Variants in CRACDL observed in about 807,000 individuals in gnomAD.
CRACDL encodes the protein CRACD-like protein.
In CRACDL, 26 loss-of-function variants were observed where a neutral mutation model predicts 70.6. That is an observed-to-expected ratio of 0.37 (90% CI 0.27 to 0.51). The LOEUF (loss-of-function observed/expected upper bound fraction) is 0.51. CRACDL is among the 20% of genes least tolerant of loss of function. The pLI, the probability that CRACDL is intolerant of heterozygous loss-of-function variation, is 0.94. For synonymous variants in CRACDL, 618 were observed against 615.2 expected (o/e 1.00, Z -0.07); for missense variants, 1,283 against 1,376.9 (o/e 0.93, Z 1.08).
chr2:98,934,603 C>T (rs1399934038), intron 1 of CRACDL, among the ~76,000 whole-genome samples: 5 of 152,112 alleles, frequency 3.3e-5, no homozygotes, highest in Admixed American at 6.5e-5. Flanking sequence ...AGCTGAGCTG[C>T]GCAGCATCCA....
chr2:98,858,823 A>G (rs1706817594), intron 1 of CRACDL, among the ~76,000 whole-genome samples: 1 of 152,170 alleles, frequency 6.6e-6, no homozygotes, highest in Non-Finnish European at 1.5e-5. Context: ...AACCTTACAG[A>G]AATAAAAAGC....
chr2:98,869,438 C>T, intron 1 of CRACDL: 1 of 374,714 alleles, frequency 2.7e-6, no homozygotes, highest in Non-Finnish European at 4.6e-6. Flanking sequence ...GGTGGCCTGG[C>T]TCTGTAGGGA....
chr2:98,864,144 A>G (rs116365184), intron 1 of CRACDL, among the ~76,000 whole-genome samples: 2,353 of 152,328 alleles, frequency 0.015, 70 homozygotes, highest in African/African-American at 0.053. Context: ...ATAATCAAAA[A>G]GTAGAAATAA....
At chr2:98,846,876 G>A in intron 1 of CRACDL, 66 bp from the exon 2 acceptor site, 1 of 1,340,106 alleles carries the variant, frequency 7.5e-7, no homozygotes, top group East Asian at 2.3e-5. Context: ...GAGTGAAATG[G>A]TGTTCGTGAC....
At chr2:98,876,892 T>C (rs1707500631) in intron 1 of CRACDL, among the ~76,000 whole-genome samples, 1 of 152,174 alleles carries the variant, frequency 6.6e-6, no homozygotes, top group South Asian at 2.1e-4. Flanking sequence ...CAGACTTAAA[T>C]AAATGCATTG....
chr2:98,875,085 A>T (rs1339425363), intron 1 of CRACDL, among the ~76,000 whole-genome samples: 2 of 152,182 alleles, frequency 1.3e-5, no homozygotes, highest in African/African-American at 4.8e-5. Flanking sequence ...ATGAGATCAA[A>T]CCACATTCGC....
At chr2:98,837,466 AG>A (rs1559225789) in intron 3 of CRACDL, among the ~76,000 whole-genome samples, 1 of 152,032 alleles carries the variant, frequency 6.6e-6, no homozygotes, top group Non-Finnish European at 1.5e-5. Flanking sequence ...AAAAAAAAAA[AG>A]GTAAAAGCTA....
chr2:98,892,442 G>C (rs980355745), intron 1 of CRACDL, among the ~76,000 whole-genome samples: 2 of 151,898 alleles, frequency 1.3e-5, no homozygotes, highest in African/African-American at 2.4e-5. Context: ...TGTAATCCCA[G>C]CACTTTAGGA....
chr2:98,878,233 C>T (rs1356576799), intron 1 of CRACDL, among the ~76,000 whole-genome samples: 1 of 152,218 alleles, frequency 6.6e-6, no homozygotes. Context: ...AGGCATGAGC[C>T]ACCGCACCCG....
At chr2:98,931,123 G>T (rs188101671) in intron 1 of CRACDL, among the ~76,000 whole-genome samples, 1 of 152,054 alleles carries the variant, frequency 6.6e-6, no homozygotes, top group Admixed American at 6.5e-5. Context: ...TCAGGAGATC[G>T]AGACCAGCCT....
intron 1 of CRACDL, among the ~76,000 whole-genome samples, chr2:98,930,022 T>C (rs1294716148): frequency 6.6e-6 from 1 of 152,038 alleles, no homozygotes; most frequent in Non-Finnish European, 1.5e-5. Flanking sequence ...TCCCTCAAAA[T>C]TCGCTTCCCC....
chr2:98,849,311 A>T (rs2104542973), intron 1 of CRACDL, among the ~76,000 whole-genome samples: 1 of 152,288 alleles, frequency 6.6e-6, no homozygotes, highest in Non-Finnish European at 1.5e-5. Context: ...CTCTGGAGAA[A>T]CCATGATGTT....
At chr2:98,924,581 TGAA>T (rs1340618830) in intron 1 of CRACDL, among the ~76,000 whole-genome samples, 3 of 152,186 alleles carry the variant, frequency 2.0e-5, no homozygotes, top group Non-Finnish European at 4.4e-5. Flanking sequence ...CTTCAGAAGG[TGAA>T]GAAGGACTTA....
intron 1 of CRACDL, among the ~76,000 whole-genome samples, chr2:98,921,532 G>A (rs532916198): frequency 2.7e-4 from 41 of 152,358 alleles, no homozygotes; most frequent in African/African-American, 9.4e-4. Context: ...AGTCAAAAAT[G>A]TAAGTCTCAT....
At chr2:98,865,470 A>G (rs1707097585) in intron 1 of CRACDL, among the ~76,000 whole-genome samples, 1 of 152,134 alleles carries the variant, frequency 6.6e-6, no homozygotes, top group Admixed American at 6.6e-5. Context: ...CATTCCCCAT[A>G]CTTTTAATCA....
At chr2:98,817,808 A>G (rs1310966420) in intron 7 of CRACDL, among the ~76,000 whole-genome samples, 8 of 152,222 alleles carry the variant, frequency 5.3e-5, no homozygotes, top group Non-Finnish European at 1.5e-5. Flanking sequence ...GGAGGAATCA[A>G]GCTCAGATTA....
At chr2:98,865,683 T>G (rs892072403) in intron 1 of CRACDL, among the ~76,000 whole-genome samples, 3 of 152,064 alleles carry the variant, frequency 2.0e-5, no homozygotes, top group African/African-American at 7.2e-5. Context: ...CTTAATGATA[T>G]TATTATCCTC....
chr2:98,852,036 TGTGGAGTG>T, intron 1 of CRACDL, among the ~76,000 whole-genome samples: 1 of 152,270 alleles, frequency 6.6e-6, no homozygotes, highest in Admixed American at 6.5e-5. Context: ...GTATGTGTGT[TGTGGAGTG>T]GCTGGAGCTC....
intron 2 of CRACDL, among the ~76,000 whole-genome samples, chr2:98,839,211 G>A (rs1377822974): frequency 3.3e-5 from 5 of 152,142 alleles, no homozygotes; most frequent in Non-Finnish European, 7.4e-5. Flanking sequence ...AGCTTACATG[G>A]TCTTACTCTC....
Sources: gnomAD v4.1 joint callset for allele counts (sites outside exome capture counted in the v4.1 genomes callset) on GRCh38, gnomAD v4.1.1 for gene constraint, MANE v1.5 for transcripts, NCBI Gene and HGNC (gene_info 2026-07-23, HGNC 2026-07-21) for gene names.